ERI2: variants seen among roughly 807,000 people sequenced by gnomAD.
ERI2 encodes the protein ERI1 exoribonuclease 2.
A neutral mutation model predicts 46.8 loss-of-function variants in ERI2; 35 were observed. The ratio of observed to expected loss-of-function variants is 0.75; its 90% CI spans 0.57 to 0.99. The LOEUF is 0.99. Among genes scored for constraint, ERI2 ranks in the 50% least tolerant of loss-of-function variants. ERI2 has a pLI of 0.00. For synonymous variants in ERI2, 224 were observed against 271.0 expected (o/e 0.83, Z 1.70); for missense variants, 695 against 796.2 (o/e 0.87, Z 1.53).
At chr16:20,784,132 G>A (rs2080416898) in intron 10 of ERI2, among the ~76,000 whole-genome samples, 1 of 152,052 alleles carries the variant, frequency 6.6e-6, no homozygotes, top group African/African-American at 2.4e-5. Flanking sequence ...AAACATAAAT[G>A]GTATCACAAG....
downstream of ERI2, among the ~76,000 whole-genome samples, chr16:20,795,760 G>T (rs1246801175): frequency 6.6e-6 from 1 of 152,204 alleles, no homozygotes; most frequent in Non-Finnish European, 1.5e-5. Context: ...TCCTGGTAGT[G>T]CCCTAGGAGA....
Position 20,802,863 on chromosome 16 carries a change from G to A in ERI2, c.236C>T (p.Ala79Val), listed in dbSNP as rs1359912044. The A allele has an allele frequency of 4.3e-6, 7 of 1,611,326 alleles. No homozygotes were observed. Among genetic ancestry groups the A allele is most frequent in the Non-Finnish European group, 5.9e-6 (7 of 1,177,990 alleles). ...STGQIDSEFQ[A>V]YVQPQEHPIL... is the part of the protein sequence containing the mutation. ...TGGATGTTCCTGAGGTTGAACATAA[G>A]CCTGGAACTCAGAGTCAATCTGTCC... The change falls in exon 4 of 9, where the codon GCT becomes GTT. Residue 79 changes from alanine to valine, a missense_variant. Physicochemically the swap from Ala to Val is moderately conservative, Grantham distance 64. Transcript: ENST00000357967.
exon 10 of ERI2, chr16:20,789,482 T>C: frequency 6.2e-7 from 1 of 1,611,274 alleles, no homozygotes; most frequent in Non-Finnish European, 8.5e-7. Context: ...TACTTACCAT[T>C]GTCAACCAGA....
At chr16:20,787,402 A>C (rs577600995) in intron 10 of ERI2, among the ~76,000 whole-genome samples, 43 of 152,356 alleles carry the variant, frequency 2.8e-4, no homozygotes, top group Non-Finnish European at 5.0e-4. Flanking sequence ...AAAAGCAGCA[A>C]AAATATGGAT....
chr16:20,785,208 G>C (rs913240126), intron 10 of ERI2: 2 of 1,473,500 alleles, frequency 1.4e-6, no homozygotes, highest in African/African-American at 2.8e-5. Context: ...AGGGATAGGA[G>C]TTGAGTGGTT....
chr16:20,788,055 A>G (rs2080512736), intron 10 of ERI2, among the ~76,000 whole-genome samples: 1 of 152,156 alleles, frequency 6.6e-6, no homozygotes, highest in Non-Finnish European at 1.5e-5. Flanking sequence ...GGTCCAAAAG[A>G]TGGGTACTGT....
In ERI2 at chr16:20,781,608, T is replaced by G. The variant is rs2080354183; in HGVS notation, c.895-874A>C. ...AGAAAAGGTAAGAATGTATTTACAT[T>G]AACATAAACAATGTTTAAATTGTGC... is the stretch of plus-strand genomic sequence containing the variant. On this transcript the variant is annotated intron_variant, in intron 10 of 10. Transcript: ENST00000300005. The G allele has an allele frequency of 4.4e-6, 4 of 911,548 alleles. No homozygotes were observed. In the Admixed American group the frequency reaches 5.6e-5, roughly 13 times the overall value. The allele number at this position is 911,548 out of a possible 1,614,324, so 56.5% of individuals were successfully genotyped here.
chr16:20,800,251 A>G, intron 6 of ERI2, 51 bp downstream of exon 6: 1 of 1,279,176 alleles, frequency 7.8e-7, no homozygotes, highest in African/African-American at 1.5e-5. Flanking sequence ...GATAAAAGTT[A>G]ATCATTTTTC....
downstream of ERI2, among the ~76,000 whole-genome samples, chr16:20,791,814 G>A (rs2080604405): frequency 6.6e-6 from 1 of 152,020 alleles, no homozygotes; most frequent in Non-Finnish European, 1.5e-5. Context: ...TATAGTCCCA[G>A]CTATTTGGAA....
chr16:20,781,054 T>C, intron 10 of ERI2: 3 of 1,614,160 alleles, frequency 1.9e-6, no homozygotes, highest in Middle Eastern at 1.7e-4. Context: ...TGGAGTAGTG[T>C]TTTTTCTCCG....
At position 20,802,880 on chromosome 16, in the gene ERI2, A is replaced by C. The variant is rs1444266525; in HGVS notation, c.219T>G (p.Ile73Met). 1 of 1,610,850 alleles carries C rather than the reference A, an allele frequency of 6.2e-7. No homozygotes were observed. The highest frequency in any genetic ancestry group is 1.3e-5 in the African/African-American group (1 of 74,914). ...GAACATAAGCCTGGAACTCAGAGTC[A>C]ATCTGTCCAGTTGATGTGTTCAGCA... ...AVLLNTSTGQ[I>M]DSEFQAYVQP... The change falls in exon 4 of 9, where the codon ATT (isoleucine) becomes ATG (methionine). Residue 73 changes from isoleucine to methionine, a missense_variant. Ile to Met is a conservative substitution (Grantham distance 10). Coordinates refer to ENST00000357967, the MANE Select transcript of ERI2 (RefSeq NM_001142725.2).
chr16:20,798,478 C>T lies in ERI2; in HGVS notation c.1322G>A (p.Gly441Glu), dbSNP rs2080759725. Reference protein sequence around the residue: ...DSDLEISFNSGERLMVLKELE... With the variant: ...DSDLEISFNSEERLMVLKELE... ...TTCTTTCAAAACCATTAATCTTTCTCCAGAATTAAATGAAATCTCTAAGTC... is the reference window on the plus strand; with the variant it reads ...TTCTTTCAAAACCATTAATCTTTCTTCAGAATTAAATGAAATCTCTAAGTC... The change falls in exon 9 of 9, where the codon GGA becomes GAA. Residue 441 changes from glycine to glutamate, a missense_variant. Coordinates refer to ENST00000357967, the MANE Select transcript of ERI2 (RefSeq NM_001142725.2). 6.4e-7 allele frequency: 1 copy of T among 1,551,456 alleles called. No homozygotes were observed. The highest frequency in any genetic ancestry group is 8.7e-7 in the Non-Finnish European group (1 of 1,146,866).
Position 20,781,066 on chromosome 16 carries a change from G to A in ERI2, c.895-332C>T, listed in dbSNP as rs52817836. ...GCATGGAGTAGTGTTTTTTCTCCGT[G>A]GATCCAGGGAGCATGTGTATTCACA... On this transcript the variant is annotated intron_variant, in intron 10 of 10. Coordinates refer to the ERI2 transcript ENST00000300005. 1.8e-3 allele frequency: 2,931 copies of A among 1,614,104 alleles called. 51 individuals are homozygous for A. The African/African-American group carries it at 0.034, about 19-fold the overall frequency.
At chr16:20,803,739 A>C in intron 1 of ERI2, 69 bp from the exon 2 acceptor site, 1 of 1,539,722 alleles carries the variant, frequency 6.5e-7, no homozygotes, top group Non-Finnish European at 8.9e-7. Flanking sequence ...TAGGCTACCA[A>C]ACTAATGGTA....
At chr16:20,792,662 G>A (rs959908099), downstream of ERI2, 1 of 985,382 alleles carries the variant, frequency 1.0e-6, no homozygotes, top group Non-Finnish European at 1.2e-6. Context: ...CAGCTGGATG[G>A]GATCAAATTG....
chr16:20,799,401 C>A, intron 7 of ERI2, 50 bp from the exon 8 acceptor site: 1 of 1,523,906 alleles, frequency 6.6e-7, no homozygotes, highest in Non-Finnish European at 9.0e-7. Context: ...AGTACTATTT[C>A]CTTAGTACTA....
At chr16:20,803,399 G>T in intron 3 of ERI2, 34 bp downstream of exon 3, 3 of 1,600,332 alleles carry the variant, frequency 1.9e-6, no homozygotes, top group Non-Finnish European at 2.6e-6. Flanking sequence ...GACTCATCTA[G>T]TGCCAGCTTT....
At position 20,797,553 on chromosome 16, in the gene ERI2, G is replaced by A; in HGVS notation, c.*171C>T. 3 of 1,236,754 alleles carry A rather than the reference G, an allele frequency of 2.4e-6. No individual in the cohort carries two copies. Among genetic ancestry groups the A allele is most frequent in the African/African-American group, 3.1e-5 (2 of 64,096 alleles). The allele number at this position is 1,236,754 out of a possible 1,614,324, so 76.6% of individuals were successfully genotyped here. A position where few individuals can be genotyped will look rare whatever the true frequency, so the allele number is the denominator to read the frequency against. On this transcript the variant is annotated 3_prime_UTR_variant, in exon 9 of 9. Coordinates refer to ENST00000357967, the MANE Select transcript of ERI2 (RefSeq NM_001142725.2). ...CATATACTATTGTTGCTTATTATAT[G>A]TAATCTAATAAATACTGTTTACAAA...
downstream of ERI2, chr16:20,791,956 GA>G (rs1377081629): frequency 6.3e-7 from 1 of 1,586,052 alleles, no homozygotes; most frequent in East Asian, 2.2e-5. Context: ...CAATTGACCA[GA>G]AGAGTTGGAT....
Sources: gnomAD v4.1 joint callset for allele counts (sites outside exome capture counted in the v4.1 genomes callset) on GRCh38, gnomAD v4.1.1 for gene constraint, MANE v1.5 for transcripts, NCBI Gene and HGNC (gene_info 2026-07-23, HGNC 2026-07-21) for gene names.